UBL7: variants seen among roughly 807,000 people sequenced by gnomAD.
UBL7 encodes the protein ubiquitin like 7, also known as ubiquitin-like protein 7.
UBL7 carries 21 observed loss-of-function variants against 41.7 expected under a neutral mutation model. The observed-to-expected ratio is 0.50, with a 90% CI of 0.36 to 0.73. The LOEUF is 0.73. Among genes scored for constraint, UBL7 ranks in the 30% least tolerant of loss-of-function variants. The pLI is 0.00. For missense variants in UBL7, 403 were observed against 478.4 expected (o/e 0.84, Z 1.47); for synonymous variants, 157 against 186.9 (o/e 0.84, Z 1.31).
chr15:74,458,967 G>A, intron 1 of UBL7, 71 bp from the exon 2 acceptor site: 1 of 1,458,450 alleles, frequency 6.9e-7, no homozygotes, highest in Non-Finnish European at 9.4e-7. Flanking sequence ...CCACCAAAGG[G>A]TTGAATGAAA....
In UBL7 at chr15:74,458,704, A is replaced by G; in HGVS notation, c.164T>C (p.Val55Ala). The G allele has an allele frequency of 6.2e-7, 1 of 1,614,040 alleles. No homozygotes were observed. The highest frequency in any genetic ancestry group is 8.5e-7 in the Non-Finnish European group (1 of 1,180,006). The change falls in exon 2 of 11, where the codon GTT becomes GCT. Residue 55 changes from valine (V) to alanine (A), a missense_variant. Transcript: ENST00000395081. ...CTCACCAATCAGCTCAGGGTCTGGA[A>G]CAGACTCCTGGAGTTTGCCAGCAAT... ...QLIAGKLQES[V>A]PDPELIDLIY...
intron 3 of UBL7, among the ~76,000 whole-genome samples, chr15:74,454,590 G>T (rs1466412244): frequency 6.6e-6 from 1 of 152,126 alleles, no homozygotes; most frequent in Non-Finnish European, 1.5e-5. Flanking sequence ...TATAGACGGG[G>T]TTTCTCCATG....
At chr15:74,452,712 T>C (rs2061261414) in intron 3 of UBL7, among the ~76,000 whole-genome samples, 1 of 152,204 alleles carries the variant, frequency 6.6e-6, no homozygotes. Context: ...ATTTGTTTTT[T>C]GGTGTTTTTG....
At chr15:74,460,862 A>T in intron 1 of UBL7, 175 bp downstream of exon 1, 1 of 1,194,628 alleles carries the variant, frequency 8.4e-7, no homozygotes, top group Non-Finnish European at 1.1e-6. Flanking sequence ...CCTCAAGTTT[A>T]TGCCAGAAGG....
intron 1 of UBL7, chr15:74,460,684 C>G: frequency 7.8e-7 from 1 of 1,288,328 alleles, no homozygotes; most frequent in Non-Finnish European, 1.0e-6. Context: ...TACATGGAAC[C>G]CCAGAAAATA....
At chr15:74,447,492 C>G (rs2061194525) in intron 10 of UBL7, among the ~76,000 whole-genome samples, 1 of 152,092 alleles carries the variant, frequency 6.6e-6, no homozygotes, top group Admixed American at 6.5e-5. Context: ...CGCTTGAGCC[C>G]AAGAGTTCAA....
At chr15:74,449,510 C>A (rs543881088) in intron 8 of UBL7, 116 bp downstream of exon 8, 1 of 1,569,704 alleles carries the variant, frequency 6.4e-7, no homozygotes, top group Non-Finnish European at 8.7e-7. Context: ...TCTTGGCCCC[C>A]CAATGGCGTA....
intron 1 of UBL7, chr15:74,460,703 ACT>A (rs1324978053): frequency 5.4e-6 from 7 of 1,289,044 alleles, no homozygotes; most frequent in African/African-American, 3.0e-5. Context: ...TAAATCAGAA[ACT>A]CTGACGGCGG....
In UBL7 at chr15:74,449,190, G is replaced by A. The variant is rs779308214; in HGVS notation, c.878C>T (p.Thr293Ile). The change falls in exon 9 of 11, where the codon ACC becomes ATC. Residue 293 changes from threonine to isoleucine, a missense_variant. Physicochemically the swap from Thr to Ile is moderately conservative, Grantham distance 89. Coordinates refer to ENST00000395081, the MANE Select transcript of UBL7 (RefSeq NM_032907.5). ...TTCCCGGCCCCGTCTTCATACCTGG[G>A]TGCCAGGAGTCGGTGTGTGAGAGCT... Reference protein sequence around the residue: ...ESSSHTPTPGTQGHSSGTSPM... With the variant: ...ESSSHTPTPGIQGHSSGTSPM... The A allele has an allele frequency of 6.5e-7, 1 of 1,547,700 alleles. No individual in the cohort carries two copies. The highest frequency in any genetic ancestry group is 8.7e-7 in the Non-Finnish European group (1 of 1,150,804).
intron 1 of UBL7, chr15:74,460,828 C>A: frequency 1.6e-6 from 2 of 1,225,630 alleles, no homozygotes; most frequent in South Asian, 1.4e-5. Context: ...AGCAGACCTT[C>A]AAGCATCCTC....
chr15:74,457,436 A>G (rs922096954), intron 2 of UBL7, among the ~76,000 whole-genome samples: 1 of 152,130 alleles, frequency 6.6e-6, no homozygotes, highest in Non-Finnish European at 1.5e-5. Flanking sequence ...CCTGCTACTC[A>G]GGAGGCTGAA....
Position 74,448,527 on chromosome 15 carries a change from C to G in UBL7, c.956G>C (p.Ser319Thr). 4 of 1,614,176 alleles carry G rather than the reference C, an allele frequency of 2.5e-6. No homozygotes were observed. Among genetic ancestry groups the G allele is most frequent in the Non-Finnish European group, 3.4e-6 (4 of 1,179,990 alleles). Residue 319 changes from serine to threonine, a missense_variant, in exon 10 of 11, where the codon AGC (serine) becomes ACC (threonine). Physicochemically the swap from Ser to Thr is moderately conservative, Grantham distance 58. Transcript: ENST00000395081. Reference sequence around the variant, plus strand: ...CTGAAGGGCATGCTGTAGGGCTTGGCTGAAGAGATCATTGGTGATGGGCGT... The same window carrying G: ...CTGAAGGGCATGCTGTAGGGCTTGGGTGAAGAGATCATTGGTGATGGGCGT... Reference protein sequence around the residue: ...SGTPITNDLFSQALQHALQAS... With the variant: ...SGTPITNDLFTQALQHALQAS...
At position 74,446,321 on chromosome 15, in the gene UBL7, G is replaced by C. The variant is rs2061183608; in HGVS notation, c.1006-94C>G. ...TTTCCGGGGAAGGAAAGGAAGATGG[G>C]GGAGTCCTCAGCAAAGCTGCTGATG... On this transcript the variant is annotated intron_variant, in intron 10 of 10. Coordinates refer to ENST00000395081, the MANE Select transcript of UBL7 (RefSeq NM_032907.5). This position sits in a 1 kb window ranked among gnomAD's most constrained non-coding sequence, Gnocchi z 4.1. 9 of 1,525,380 alleles carry C rather than the reference G, an allele frequency of 5.9e-6. No homozygotes were observed. The highest frequency in any genetic ancestry group is 8.0e-6 in the Non-Finnish European group (9 of 1,125,688). 94.5% of individuals were successfully genotyped at this position (1,525,380 alleles called of 1,614,324 possible).
rs748305937 is a variant in UBL7 at position 74,458,685 on chromosome 15, A to C, written c.183T>G (p.Ile61Met). ...CAACCCCAGTCCAGAGAGACTCACC[A>C]ATCAGCTCAGGGTCTGGAACAGACT... is the stretch of plus-strand genomic sequence containing the variant. ...LQESVPDPEL[I>M]DLIYCGRKLK... is the part of the protein sequence containing the mutation. Residue 61 changes from isoleucine to methionine, a missense_variant and splice_region_variant, in exon 2 of 11, where the codon ATT becomes ATG. Coordinates refer to ENST00000395081, the MANE Select transcript of UBL7 (RefSeq NM_032907.5). 2.5e-6 allele frequency: 4 copies of C among 1,610,762 alleles called. No individual in the cohort carries two copies. The highest frequency in any genetic ancestry group is 3.4e-6 in the Non-Finnish European group (4 of 1,177,280).
intron 8 of UBL7, 24 bp from the exon 9 acceptor site, chr15:74,449,377 T>TCAGGGAAGCAGTACTGTG (rs1384587274): frequency 6.2e-7 from 1 of 1,613,262 alleles, no homozygotes; most frequent in Non-Finnish European, 8.5e-7. Context: ...ACACTCAGAA[T>TCAGGGAAGCAGTACTGTG]CAGGGAAGCA....
chr15:74,457,072 A>T (rs963213847), intron 2 of UBL7, among the ~76,000 whole-genome samples: 15 of 152,248 alleles, frequency 9.9e-5, no homozygotes, highest in African/African-American at 3.4e-4. Context: ...TTAGCCTCAC[A>T]AAGTGCTGGG....
Position 74,449,337 on chromosome 15 carries a change from G to A in UBL7, c.731C>T (p.Pro244Leu), listed in dbSNP as rs770275575. 8.1e-6 allele frequency: 13 copies of A among 1,614,078 alleles called. No homozygotes were observed. The South Asian group carries it at 1.3e-4, about 16-fold the overall frequency. Residue 244 changes from proline to leucine, a missense_variant, in exon 9 of 11, where the codon CCC becomes CTC. By Grantham distance (98) the Pro-to-Leu change is moderately conservative (BLOSUM62 -3). Coordinates refer to ENST00000395081, the MANE Select transcript of UBL7 (RefSeq NM_032907.5). The stretch of plus-strand genomic sequence containing the variant: ...GCGGGAGCTGGGAGTACTGCTAGAG[G>A]GTGTGGACCTGGTGTTCTGGAGAAA... ...DDFHPNTRST[P>L]SSSTPSSRPA...
At position 74,449,303 on chromosome 15, in the gene UBL7, G is replaced by A. The variant is rs1314378285; in HGVS notation, c.765C>T (p.Ser255=). 1 of 1,614,024 alleles carries A rather than the reference G, an allele frequency of 6.2e-7. No individual in the cohort carries two copies. The highest frequency in any genetic ancestry group is 1.1e-5 in the South Asian group (1 of 91,076). Residue 255 remains serine (S), a synonymous_variant, in exon 9 of 11, where the codon TCC becomes TCT. Coordinates refer to ENST00000395081, the MANE Select transcript of UBL7 (RefSeq NM_032907.5). Reference sequence around the variant, plus strand: ...GCCCAGCAGCTCCACTGTACCCCAGGGAGGCTGGGCGGGAGCTGGGAGTAC... The same window carrying A: ...GCCCAGCAGCTCCACTGTACCCCAGAGAGGCTGGGCGGGAGCTGGGAGTAC... ...SSSTPSSRPA[S]LGYSGAAGPR...
Position 74,449,643 on chromosome 15 carries a change from C to T in UBL7, c.697G>A (p.Glu233Lys). The T allele has an allele frequency of 6.2e-7, 1 of 1,614,168 alleles. No individual in the cohort carries two copies. The highest frequency in any genetic ancestry group is 1.1e-5 in the South Asian group (1 of 91,080). The change falls in exon 8 of 11, where the codon GAG (glutamate) becomes AAG (lysine). Residue 233 changes from glutamate (E) to lysine (K), a missense_variant. Glu to Lys is a moderately conservative substitution (Grantham distance 56, BLOSUM62 1). Coordinates refer to ENST00000395081, the MANE Select transcript of UBL7 (RefSeq NM_032907.5). ...CCACTTACTGGGTGAAAGTCATCCTCATCATCTGAGAGCCCTTCAAACAGG... is the reference window on the plus strand; with the variant it reads ...CCACTTACTGGGTGAAAGTCATCCTTATCATCTGAGAGCCCTTCAAACAGG... ...GFLFEGLSDD[E>K]DDFHPNTRST...
Sources: allele counts gnomAD v4.1 joint callset (sites outside exome capture counted in the v4.1 genomes callset), GRCh38; gene constraint gnomAD v4.1.1; non-coding constraint Gnocchi (gnomAD v3.1); transcripts MANE v1.5; gene names NCBI Gene and HGNC (gene_info 2026-07-23, HGNC 2026-07-21).